ERBB4: variants seen among roughly 807,000 people sequenced by gnomAD.
ERBB4 encodes receptor tyrosine-protein kinase erbB-4.
ERBB4 carries 42 observed loss-of-function variants against 158.0 expected under a neutral mutation model. That is an observed-to-expected ratio of 0.27 (90% CI 0.21 to 0.34). The LOEUF (loss-of-function observed/expected upper bound fraction) is 0.34, where lower values mean the gene tolerates loss of function less well. Among genes scored for constraint, ERBB4 ranks in the 10% least tolerant of loss-of-function variants. The pLI is 1.00. For synonymous variants in ERBB4, 583 were observed against 558.7 expected, an observed-to-expected ratio of 1.04 and a Z score of -0.61; for missense variants, 1,333 against 1,624.1, an observed-to-expected ratio of 0.82 and a Z score of 3.08.
intron 3 of ERBB4, among the ~76,000 whole-genome samples, chr2:211,889,219 C>A (rs1269626217): frequency 6.9e-6 from 1 of 144,956 alleles, no homozygotes; most frequent in Admixed American, 6.7e-5. Flanking sequence ...CGCAGACTGC[C>A]TCCTCAAGTG....
At position 211,400,910 on chromosome 2, in the gene ERBB4, A is replaced by C. The variant is rs78509250; in HGVS notation, c.3136-12918T>G. 9.1e-3 allele frequency among the ~76,000 whole-genome samples: 1,381 copies of C among 152,178 alleles called. 23 individuals are homozygous for C. The highest frequency in any genetic ancestry group is 0.031 in the African/African-American group (1,298 of 41,538). ...CATACACCCAAAATATATACCTACT[A>C]TGTACCCACAAAAATTAAATATTTA... is the stretch of plus-strand genomic sequence containing the variant. On this transcript the variant is annotated intron_variant, in intron 25 of 27. Transcript: ENST00000342788.
At chr2:212,059,898 T>TA (rs1031840804) in intron 2 of ERBB4, among the ~76,000 whole-genome samples, 6 of 152,158 alleles carry the variant, frequency 3.9e-5, no homozygotes, top group Admixed American at 2.6e-4. Context: ...ACTTCATGTC[T>TA]AAAACACCAA....
At chr2:211,477,738 A>C (rs1453219071) in intron 20 of ERBB4, among the ~76,000 whole-genome samples, 3 of 152,146 alleles carry the variant, frequency 2.0e-5, no homozygotes, top group Admixed American at 2.0e-4. Flanking sequence ...TCAGTGAGTA[A>C]TTCTCTTGGA....
intron 1 of ERBB4, among the ~76,000 whole-genome samples, chr2:212,242,555 A>AG (rs2084148292): frequency 6.6e-6 from 1 of 152,152 alleles, no homozygotes; most frequent in Non-Finnish European, 1.5e-5. Context: ...AGAGGTGAAA[A>AG]TGTAGCTTAA....
intron 19 of ERBB4, among the ~76,000 whole-genome samples, chr2:211,569,119 T>C (rs2067638428): frequency 6.6e-6 from 1 of 152,200 alleles, no homozygotes; most frequent in Admixed American, 6.5e-5. Flanking sequence ...ATCAGGACTC[T>C]TCTAAACTTT....
At chr2:212,456,507 G>C (rs1173892094) in intron 1 of ERBB4, among the ~76,000 whole-genome samples, 1 of 151,398 alleles carries the variant, frequency 6.6e-6, no homozygotes, top group Non-Finnish European at 1.5e-5. Context: ...AGTATAAAAA[G>C]ACTGAGTCTG....
intron 20 of ERBB4, among the ~76,000 whole-genome samples, chr2:211,432,691 T>C (rs1430649591): frequency 6.6e-6 from 1 of 152,072 alleles, no homozygotes. Context: ...CTTTAACAAA[T>C]GTTCATGAAA....
At chr2:212,145,030 T>G (rs935016586) in intron 1 of ERBB4, among the ~76,000 whole-genome samples, 2 of 152,342 alleles carry the variant, frequency 1.3e-5, no homozygotes, top group East Asian at 3.9e-4. Flanking sequence ...AATGTTTACT[T>G]TGCAGCCTTC....
intron 3 of ERBB4, among the ~76,000 whole-genome samples, chr2:211,854,171 GA>G (rs2077791528): frequency 6.6e-6 from 1 of 151,988 alleles, no homozygotes; most frequent in Admixed American, 6.6e-5. Context: ...TCTCTTTTCA[GA>G]AAATATAGAG....
Position 211,755,329 on chromosome 2 carries a change from C to T in ERBB4, c.557-4625G>A, listed in dbSNP as rs182197552. ...CCAGCTTGGGCAACATGGCAAAACC[C>T]GGCCTCTACAAAAAATGCAAAAATC... On this transcript the variant is annotated intron_variant, in intron 4 of 27. Transcript: ENST00000342788. 1.4e-4 allele frequency among the ~76,000 whole-genome samples: 21 copies of T among 152,132 alleles called. 1 individual carries two copies. The highest frequency in any genetic ancestry group is 3.3e-4 in the Admixed American group (5 of 15,276).
chr2:211,627,763 G>A (rs1334041938), intron 17 of ERBB4, among the ~76,000 whole-genome samples: 1 of 152,192 alleles, frequency 6.6e-6, no homozygotes, highest in African/African-American at 2.4e-5. Context: ...TATATCAGGA[G>A]AAAGGTAAGA....
intron 1 of ERBB4, among the ~76,000 whole-genome samples, chr2:212,286,049 G>A (rs2085949158): frequency 6.6e-6 from 1 of 151,914 alleles, no homozygotes; most frequent in African/African-American, 2.4e-5. Context: ...TGTCATAATG[G>A]GCAACATGAG....
chr2:211,879,539 A>G (rs1233189271), intron 3 of ERBB4, among the ~76,000 whole-genome samples: 1 of 152,222 alleles, frequency 6.6e-6, no homozygotes, highest in African/African-American at 2.4e-5. Flanking sequence ...AGGCACTCTC[A>G]TGTACTATGT....
intron 3 of ERBB4, among the ~76,000 whole-genome samples, chr2:211,925,900 T>C (rs908888085): frequency 2.6e-5 from 4 of 152,138 alleles, no homozygotes; most frequent in African/African-American, 7.2e-5. Flanking sequence ...GATCACATAA[T>C]ATTCTGTATT....
At chr2:211,994,703 GT>G (rs1449214938) in intron 2 of ERBB4, among the ~76,000 whole-genome samples, 2 of 152,074 alleles carry the variant, frequency 1.3e-5, no homozygotes, top group African/African-American at 4.8e-5. Context: ...CTAGACGTGA[GT>G]TGTACCTATC....
intron 19 of ERBB4, among the ~76,000 whole-genome samples, chr2:211,584,907 CAT>C (rs1234392707): frequency 6.6e-6 from 1 of 151,666 alleles, no homozygotes; most frequent in Admixed American, 6.6e-5. Context: ...AACTTTTAAA[CAT>C]GTTTTATTTA....
At chr2:211,951,767 C>T (rs1001048977) in intron 2 of ERBB4, among the ~76,000 whole-genome samples, 3 of 152,024 alleles carry the variant, frequency 2.0e-5, no homozygotes, top group Non-Finnish European at 2.9e-5. Flanking sequence ...CTGTTTATTA[C>T]CCTCTGTTCT....
chr2:212,479,743 C>T (rs1430898878), intron 1 of ERBB4, among the ~76,000 whole-genome samples: 3 of 152,064 alleles, frequency 2.0e-5, no homozygotes, highest in Non-Finnish European at 4.4e-5. Context: ...ATAGAAAATG[C>T]ATTTAAAATT....
At chr2:211,938,692 A>G (rs2080398803) in intron 3 of ERBB4, among the ~76,000 whole-genome samples, 1 of 152,014 alleles carries the variant, frequency 6.6e-6, no homozygotes, top group South Asian at 2.1e-4. Flanking sequence ...TAATAATAAT[A>G]ATTGGCTTCA....
Sources: allele counts gnomAD v4.1 joint callset (sites outside exome capture counted in the v4.1 genomes callset), GRCh38; gene constraint gnomAD v4.1.1; transcripts MANE v1.5; gene names NCBI Gene and HGNC (gene_info 2026-07-23, HGNC 2026-07-21).